Variants in CTNNA3 observed in about 807,000 individuals in gnomAD.
The protein encoded by CTNNA3 is catenin alpha-3.
Under a neutral mutation model 95.7 loss-of-function variants are expected in CTNNA3, and 76 were observed. That is an observed-to-expected ratio of 0.79 (90% CI 0.66 to 0.96). The LOEUF is 0.96. CTNNA3 is among the 40% of genes least tolerant of loss of function. The pLI is 0.00. For missense variants in CTNNA3, 1,191 were observed against 1,089.8 expected, an observed-to-expected ratio of 1.09 and a Z score of -1.31; for synonymous variants, 431 against 374.4, an observed-to-expected ratio of 1.15 and a Z score of -1.74.
At chr10:66,827,388 T>C (rs1183831499) in intron 7 of CTNNA3, among the ~76,000 whole-genome samples, 1 of 152,182 alleles carries the variant, frequency 6.6e-6, no homozygotes, top group East Asian at 1.9e-4. Context: ...CACAATCTCT[T>C]CCACTCAAAT....
intron 5 of CTNNA3, among the ~76,000 whole-genome samples, chr10:67,299,046 G>T (rs970613073): frequency 2.0e-5 from 3 of 151,960 alleles, no homozygotes; most frequent in Non-Finnish European, 4.4e-5. Flanking sequence ...CTACAAGCAC[G>T]CACCACCACA....
intron 7 of CTNNA3, among the ~76,000 whole-genome samples, chr10:67,144,814 C>G (rs1250358097): frequency 6.6e-6 from 1 of 152,142 alleles, no homozygotes; most frequent in Non-Finnish European, 1.5e-5. Flanking sequence ...TGGAATAGCA[C>G]TTTTAATTTC....
chr10:66,889,303 C>T (rs183994506), intron 7 of CTNNA3, among the ~76,000 whole-genome samples: 35 of 152,250 alleles, frequency 2.3e-4, no homozygotes, highest in Non-Finnish European at 2.1e-4. Context: ...ATGGTAGATA[C>T]ATGTCATTGT....
chr10:66,128,745 C>A (rs1365185052), intron 13 of CTNNA3, among the ~76,000 whole-genome samples: 3 of 152,088 alleles, frequency 2.0e-5, no homozygotes, highest in African/African-American at 7.2e-5. Context: ...AATTATACAA[C>A]CAAGAATACA....
intron 13 of CTNNA3, among the ~76,000 whole-genome samples, chr10:66,104,655 G>T (rs891448865): frequency 1.3e-5 from 2 of 152,064 alleles, no homozygotes. Flanking sequence ...TGATTCCTTT[G>T]CTACAAAATC....
chr10:66,944,437 T>G (rs1354847532), intron 7 of CTNNA3, among the ~76,000 whole-genome samples: 1 of 152,170 alleles, frequency 6.6e-6, no homozygotes, highest in Non-Finnish European at 1.5e-5. Flanking sequence ...CTTCCTCCAC[T>G]GAAGTCTTGA....
At chr10:67,024,693 G>A (rs1853243448) in intron 7 of CTNNA3, among the ~76,000 whole-genome samples, 1 of 152,166 alleles carries the variant, frequency 6.6e-6, no homozygotes, top group African/African-American at 2.4e-5. Flanking sequence ...CATTGATCTT[G>A]TTAATGCTCA....
chr10:66,114,826 C>T (rs1321647759), intron 13 of CTNNA3, among the ~76,000 whole-genome samples: 2 of 151,442 alleles, frequency 1.3e-5, no homozygotes, highest in Non-Finnish European at 2.9e-5. Context: ...TTGCCATGAG[C>T]CAAGATCACC....
At chr10:66,107,381 G>T (rs923422889) in intron 13 of CTNNA3, among the ~76,000 whole-genome samples, 2 of 152,148 alleles carry the variant, frequency 1.3e-5, no homozygotes, top group Admixed American at 6.5e-5. Flanking sequence ...TTATTGTAAA[G>T]ATAAAACAAG....
chr10:67,208,042 A>G (rs1863977929), intron 6 of CTNNA3, among the ~76,000 whole-genome samples: 1 of 152,160 alleles, frequency 6.6e-6, no homozygotes, highest in African/African-American at 2.4e-5. Context: ...TAGTATAATT[A>G]ATATTCTAAA....
At position 66,520,647 on chromosome 10, in the gene CTNNA3, T is replaced by C. The variant is rs1482259667; in HGVS notation, c.1501A>G (p.Thr501Ala). The C allele has an allele frequency of 1.2e-6, 2 of 1,610,202 alleles. No individual in the cohort carries two copies. Among genetic ancestry groups the C allele is most frequent in the Admixed American group, 1.7e-5 (1 of 59,532 alleles). ...HVLTEAVDDI[T>A]SIDDFLAVSE... is the part of the protein sequence containing the mutation. The stretch of plus-strand genomic sequence containing the variant: ...ACAGCAAGGAAGTCATCAATGCTTG[T>C]AATGTCATCTACGGCTTCAGTGAGG... The change falls in exon 11 of 18, where the codon ACA (threonine) becomes GCA (alanine). Residue 501 changes from threonine to alanine, a missense_variant. Thr to Ala is a moderately conservative substitution (Grantham distance 58, BLOSUM62 0). Transcript: ENST00000433211.
At position 67,331,254 on chromosome 10, in the gene CTNNA3, T is replaced by C. The variant is rs142806098; in HGVS notation, c.580-111384A>G. Among the ~76,000 whole-genome samples the C allele has an allele frequency of 6.5e-3, 984 of 152,276 alleles. 6 individuals are homozygous for C. The highest frequency in any genetic ancestry group is 0.011 in the Non-Finnish European group (729 of 68,034). On this transcript the variant is annotated intron_variant, in intron 5 of 17. Transcript: ENST00000433211. Reference sequence around the variant, plus strand: ...TTGGCAAACTGTTTTTCTTCTTTTATGGCACAAAATGATTATCTTACTTCA... The same window carrying C: ...TTGGCAAACTGTTTTTCTTCTTTTACGGCACAAAATGATTATCTTACTTCA...
intron 7 of CTNNA3, among the ~76,000 whole-genome samples, chr10:66,923,902 T>G (rs1846925578): frequency 6.6e-6 from 1 of 152,246 alleles, no homozygotes; most frequent in Non-Finnish European, 1.5e-5. Flanking sequence ...ATTGCATGTC[T>G]GCAATGTGCC....
At chr10:67,285,936 T>C (rs1168227165) in intron 5 of CTNNA3, among the ~76,000 whole-genome samples, 1 of 152,220 alleles carries the variant, frequency 6.6e-6, no homozygotes, top group East Asian at 1.9e-4. Context: ...AAGAGCATTT[T>C]TATTTTTTAT....
intron 7 of CTNNA3, among the ~76,000 whole-genome samples, chr10:67,154,723 T>C (rs1257113547): frequency 2.6e-5 from 4 of 152,118 alleles, no homozygotes; most frequent in Non-Finnish European, 4.4e-5. Flanking sequence ...TGTCCCAAAA[T>C]GTTCATATGA....
chr10:67,755,994 A>C (rs928673680), intron 1 of CTNNA3, among the ~76,000 whole-genome samples: 1 of 152,158 alleles, frequency 6.6e-6, no homozygotes, highest in Non-Finnish European at 1.5e-5. Flanking sequence ...AAAAGAATGA[A>C]ATCCTCTCAT....
intron 7 of CTNNA3, among the ~76,000 whole-genome samples, chr10:67,133,705 T>C (rs1860152373): frequency 6.6e-6 from 1 of 152,004 alleles, no homozygotes; most frequent in African/African-American, 2.4e-5. Context: ...AGGTACGTCT[T>C]GGAGTTTAAG....
Position 66,470,402 on chromosome 10 carries a change from A to G in CTNNA3, c.1531+50215T>C, listed in dbSNP as rs192726875. On this transcript the variant is annotated intron_variant, in intron 11 of 17. Coordinates refer to ENST00000433211, the MANE Select transcript of CTNNA3 (RefSeq NM_013266.4). The stretch of plus-strand genomic sequence containing the variant: ...GATTTGTAGATAAGATGAGGTTCAA[A>G]TGAGATTGGCAAGCATTAATTTATA... 1.1e-3 allele frequency among the ~76,000 whole-genome samples: 162 copies of G among 151,954 alleles called. 3 individuals carry two copies. Among genetic ancestry groups the G allele is most frequent in the Admixed American group, 8.7e-3 (133 of 15,206 alleles).
At chr10:66,630,254 G>A (rs993340360) in intron 9 of CTNNA3, among the ~76,000 whole-genome samples, 1 of 152,086 alleles carries the variant, frequency 6.6e-6, no homozygotes, top group African/African-American at 2.4e-5. Context: ...TTTTAAGGGA[G>A]GAGTCAGCAG....
Sources: gnomAD v4.1 joint callset for allele counts (sites outside exome capture counted in the v4.1 genomes callset) on GRCh38, gnomAD v4.1.1 for gene constraint, MANE v1.5 for transcripts, NCBI Gene and HGNC (gene_info 2026-07-23, HGNC 2026-07-21) for gene names.